HM13: variants seen among roughly 807,000 people sequenced by gnomAD.
HM13 encodes histocompatibility minor 13, also known as signal peptide peptidase.
In HM13, 18 loss-of-function variants were observed where a neutral mutation model predicts 50.0. The observed-to-expected ratio is 0.36, with a 90% CI of 0.25 to 0.53. The LOEUF (loss-of-function observed/expected upper bound fraction) is 0.53. HM13 is among the 20% of genes least tolerant of loss of function. The probability of loss-of-function intolerance (pLI) is 0.90; values close to 1 mark genes in which losing one functional copy is unlikely to be tolerated. For missense variants in HM13, 393 were observed against 552.4 expected (o/e 0.71, Z 2.89); for synonymous variants, 197 against 232.6 (o/e 0.85, Z 1.39).
At chr20:31,534,221 A>G (rs891372990) in intron 2 of HM13, among the ~76,000 whole-genome samples, 3 of 152,094 alleles carry the variant, frequency 2.0e-5, no homozygotes, top group Non-Finnish European at 4.4e-5. Flanking sequence ...CAGCCACAGA[A>G]ACTATGCTCA....
chr20:31,536,590 A>C (rs1220357638), intron 2 of HM13, among the ~76,000 whole-genome samples: 1 of 152,112 alleles, frequency 6.6e-6, no homozygotes, highest in Non-Finnish European at 1.5e-5. Context: ...ATGCAGGCAA[A>C]TCTAAAGACT....
In HM13 at chr20:31,549,230, T is replaced by C. The variant is rs781736342; in HGVS notation, c.564T>C (p.Phe188=). 2.5e-6 allele frequency: 4 copies of C among 1,614,100 alleles called. No individual in the cohort carries two copies. In the East Asian group the frequency reaches 8.9e-5, roughly 36 times the overall value. Residue 188 remains phenylalanine, a synonymous_variant, in exon 6 of 13, where the codon TTT becomes TTC. Coordinates refer to ENST00000398174, the MANE Select transcript of HM13 (RefSeq NM_178581.3). ...LRKHWIANNL[F]GLAFSLNGVE... ...AGCACTGGATTGCCAACAACCTTTT[T>C]GGCCTGGCCTTCTCCCTTAATGGAG...
At chr20:31,566,909 G>C (rs913829403) in intron 11 of HM13, among the ~76,000 whole-genome samples, 1 of 152,110 alleles carries the variant, frequency 6.6e-6, no homozygotes, top group African/African-American at 2.4e-5. Context: ...TCTGCCCCCA[G>C]CACTGCCGAC....
At chr20:31,557,418 G>A (rs1480471024) in intron 8 of HM13, among the ~76,000 whole-genome samples, 3 of 152,150 alleles carry the variant, frequency 2.0e-5, no homozygotes, top group Admixed American at 2.0e-4. Context: ...CAGTAGTCCC[G>A]CAATCACAAT....
At chr20:31,567,983 T>C (rs1327008568) in intron 11 of HM13, 95 bp from the exon 12 acceptor site, 3 of 1,108,204 alleles carry the variant, frequency 2.7e-6, no homozygotes, top group Non-Finnish European at 3.8e-6. Flanking sequence ...ACAAGACAGT[T>C]CTGCTCTCTG....
chr20:31,565,715 A>G (rs1984870862), intron 10 of HM13, among the ~76,000 whole-genome samples: 1 of 152,174 alleles, frequency 6.6e-6, no homozygotes, highest in Non-Finnish European at 1.5e-5. Context: ...CAGCACAGAC[A>G]TGCCAAATTG....
At chr20:31,538,361 T>C (rs1983239853) in intron 3 of HM13, 100 bp downstream of exon 3, 2 of 1,596,596 alleles carry the variant, frequency 1.3e-6, no homozygotes, top group Non-Finnish European at 1.7e-6. Context: ...CAGAGCCAGG[T>C]TTGAATCCTG....
intron 7 of HM13, chr20:31,554,494 A>C (rs2122638587): frequency 2.5e-6 from 1 of 393,696 alleles, no homozygotes; most frequent in East Asian, 5.6e-5. Flanking sequence ...CATCCTGGCT[A>C]ACACGGTGAA....
At chr20:31,537,563 TC>T (rs1275527496) in intron 2 of HM13, among the ~76,000 whole-genome samples, 7 of 152,256 alleles carry the variant, frequency 4.6e-5, no homozygotes, top group African/African-American at 1.7e-4. Flanking sequence ...CTTTCCAAAG[TC>T]TAGAATTAAC....
chr20:31,540,215 C>T (rs1374014321), intron 3 of HM13: 2 of 152,300 alleles, frequency 1.3e-5, no homozygotes, highest in African/African-American at 4.8e-5. Context: ...AGCCCCGCAT[C>T]CTGAAAAATG....
At chr20:31,564,636 G>A (rs1020617253) in intron 10 of HM13, among the ~76,000 whole-genome samples, 14 of 151,970 alleles carry the variant, frequency 9.2e-5, no homozygotes, top group Non-Finnish European at 1.3e-4. Flanking sequence ...TACAGAGCAC[G>A]TAGCAAGGGA....
chr20:31,552,743 T>G (rs1207070676), intron 7 of HM13, among the ~76,000 whole-genome samples: 1 of 152,170 alleles, frequency 6.6e-6, no homozygotes, highest in African/African-American at 2.4e-5. Context: ...CACTCAAAAT[T>G]GAATGGTACC....
chr20:31,515,199 C>A (rs911786109), intron 1 of HM13, among the ~76,000 whole-genome samples: 2 of 152,218 alleles, frequency 1.3e-5, no homozygotes, highest in Non-Finnish European at 2.9e-5. Context: ...CCGCAGGGCC[C>A]TTTCTACCAT....
rs778447839 is a variant in HM13, at chr20:31,568,113, C to G, written c.1070C>G (p.Pro357Arg). The change falls in exon 12 of 13, where the codon CCG becomes CGG. Residue 357 changes from proline to arginine, a missense_variant. Transcript: ENST00000398174. Reference protein sequence around the residue: ...ESSAEILPHTPRLTHFPTVSG... With the variant: ...ESSAEILPHTRRLTHFPTVSG... Reference sequence around the variant, plus strand: ...TCGGCGGAAATCCTGCCTCATACCCCGAGGCTCACCCACTTCCCCACAGTC... The same window carrying G: ...TCGGCGGAAATCCTGCCTCATACCCGGAGGCTCACCCACTTCCCCACAGTC... The G allele has an allele frequency of 6.2e-7, 1 of 1,612,996 alleles. No individual in the cohort carries two copies. The highest frequency in any genetic ancestry group is 8.5e-7 in the Non-Finnish European group (1 of 1,179,736).
chr20:31,530,457 G>A (rs1291181603), intron 2 of HM13, among the ~76,000 whole-genome samples: 1 of 150,672 alleles, frequency 6.6e-6, no homozygotes, highest in African/African-American at 2.4e-5. Context: ...TCGCCAGGCT[G>A]GAGTGCAGTG....
chr20:31,553,295 CA>C lies in HM13; in HGVS notation c.725-1432del, dbSNP rs571430209. On this transcript the variant is annotated intron_variant, in intron 7 of 12. Coordinates refer to ENST00000398174, the MANE Select transcript of HM13 (RefSeq NM_178581.3). ...TGGGCAACAGAGCGAGACTCCATCT[CA>C]AAAAAAAAAAAAAAAAAATGTTGGC... is the stretch of plus-strand genomic sequence containing the variant. 4.1e-3 allele frequency among the ~76,000 whole-genome samples: 470 copies of C among 114,210 alleles called. 3 individuals carry two copies. Among genetic ancestry groups the C allele is most frequent in the African/African-American group, 0.016 (422 of 25,730 alleles). The allele number at this position is 114,210 out of a possible 152,430, so 74.9% of individuals were successfully genotyped here.
chr20:31,518,998 A>G (rs1416641861), intron 1 of HM13, among the ~76,000 whole-genome samples: 2 of 152,200 alleles, frequency 1.3e-5, no homozygotes, highest in African/African-American at 4.8e-5. Flanking sequence ...AAGCTGCCCT[A>G]TTTCCCTCCT....
chr20:31,566,860 CCCACCCATA>C (rs1171009016), intron 11 of HM13, among the ~76,000 whole-genome samples: 1 of 152,052 alleles, frequency 6.6e-6, no homozygotes, highest in Non-Finnish European at 1.5e-5. Context: ...TGCACACAGC[CCCACCCATA>C]CCGCAAGGCC....
chr20:31,544,701 TAGAGA>T (rs1232796459), intron 3 of HM13, among the ~76,000 whole-genome samples: 1 of 152,218 alleles, frequency 6.6e-6, no homozygotes, highest in Non-Finnish European at 1.5e-5. Context: ...AAAAAGGCAG[TAGAGA>T]AATCACTATG....
Sources: allele counts gnomAD v4.1 joint callset (sites outside exome capture counted in the v4.1 genomes callset), GRCh38; gene constraint gnomAD v4.1.1; transcripts MANE v1.5; gene names NCBI Gene and HGNC (gene_info 2026-07-23, HGNC 2026-07-21).